The following OPLAH variants were observed in gnomAD, a reference collection of about 807,000 sequenced individuals.
OPLAH encodes 5-oxoprolinase, ATP-hydrolysing.
In OPLAH, 103 loss-of-function variants were observed where a neutral mutation model predicts 122.8. The observed-to-expected ratio is 0.84, with a 90% CI of 0.71 to 0.99. OPLAH has a LOEUF of 0.99. OPLAH is among the 50% of genes least tolerant of loss of function. The pLI, the probability that OPLAH is intolerant of heterozygous loss-of-function variation, is 0.00. For missense variants in OPLAH, 1,902 were observed against 1,836.5 expected (o/e 1.04, Z -0.65); for synonymous variants, 875 against 796.0 (o/e 1.10, Z -1.67).
rs1163894792 is a variant in OPLAH at position 144,058,581 on chromosome 8, T to C, written c.698A>G (p.His233Arg). 6.2e-7 allele frequency: 1 copy of C among 1,602,330 alleles called. No individual in the cohort carries two copies. Among genetic ancestry groups the C allele is most frequent in the East Asian group, 2.2e-5 (1 of 44,862 alleles). The change falls in exon 6 of 27, where the codon CAC (histidine) becomes CGC (arginine). Residue 233 changes from histidine to arginine, a missense_variant. By Grantham distance (29) the His-to-Arg change is conservative. Transcript: ENST00000618853. Reference sequence around the variant, plus strand: ...GAGGTAGGCGTCGGCACAGGCCGTGTGCCCCCGAGGGACGATGCGCACCAT... The same window carrying C: ...GAGGTAGGCGTCGGCACAGGCCGTGCGCCCCCGAGGGACGATGCGCACCAT... ...MPMVRIVPRGHTACADAYLTP... is the reference protein window; with the variant it reads ...MPMVRIVPRGRTACADAYLTP...
At chr8:144,058,464 G>C in intron 6 of OPLAH, 32 bp downstream of exon 6, 1 of 1,578,520 alleles carries the variant, frequency 6.3e-7, no homozygotes. Flanking sequence ...CCAGGCCCAG[G>C]AGTGGGCAGT....
chr8:144,060,121 G>C (rs1564295240), intron 1 of OPLAH, 36 bp from the exon 2 acceptor site: 2 of 1,421,664 alleles, frequency 1.4e-6, no homozygotes, highest in Non-Finnish European at 9.5e-7. Context: ...GCTCACCTGC[G>C]AGTGGGACTA....
chr8:144,053,403 C>T lies in OPLAH; in HGVS notation c.2687-10G>A, dbSNP rs1554758232. ...AGGGCCTCCGTCACCGCTGGATGGA[C>T]AGTGTCATCACTGAGCCCCTGGCCA... On this transcript the variant is annotated splice_polypyrimidine_tract_variant and intron_variant, in intron 19 of 26. Coordinates refer to ENST00000618853, the MANE Select transcript of OPLAH (RefSeq NM_017570.5). 2.5e-6 allele frequency: 4 copies of T among 1,600,712 alleles called. No individual in the cohort carries two copies. Among genetic ancestry groups the T allele is most frequent in the East Asian group, 2.2e-5 (1 of 44,812 alleles).
downstream of OPLAH, chr8:144,050,648 G>A (rs1835351279): frequency 4.1e-6 from 4 of 984,950 alleles, no homozygotes; most frequent in South Asian, 1.4e-4. Context: ...TTGGGGGGAG[G>A]GTACCCCCGC....
In OPLAH at chr8:144,051,983, G is replaced by C. The variant is rs1038731940; in HGVS notation, c.3555C>G (p.Leu1185=). The C allele has an allele frequency of 1.3e-6, 2 of 1,582,194 alleles. No homozygotes were observed. Among genetic ancestry groups the C allele is most frequent in the African/African-American group, 1.3e-5 (1 of 74,182 alleles). ...CTGACAGCAGCGCCTCCTCACGAAA[G>C]AGCAGCTCGCGGGTGACGCCGTCGC... ...RGGDGVTREL[L]FREEALLSVL... Residue 1185 remains leucine, a synonymous_variant, in exon 25 of 27, where the codon CTC becomes CTG. Coordinates refer to ENST00000618853, the MANE Select transcript of OPLAH (RefSeq NM_017570.5).
Position 144,054,738 on chromosome 8 carries a change from A to AGC in OPLAH, c.2512-5_2512-4dup, listed in dbSNP as rs1554758530. On this transcript the variant is annotated splice_region_variant and splice_polypyrimidine_tract_variant and intron_variant, in intron 18 of 26. Coordinates refer to ENST00000618853, the MANE Select transcript of OPLAH (RefSeq NM_017570.5). ...CGCGTCTGACCCGGCCAAAACACCT[A>AGC]GCGGGTGGAGAGCCACGGTCAGCTG... 3.7e-6 allele frequency: 6 copies of AGC among 1,612,036 alleles called. No individual in the cohort carries two copies. The highest frequency in any genetic ancestry group is 5.1e-6 in the Non-Finnish European group (6 of 1,179,784).
At position 144,059,510 on chromosome 8, in the gene OPLAH, T is replaced by TAATCC. The variant is rs1587567843; in HGVS notation, c.363+84_363+88dup. 2.9e-6 allele frequency: 4 copies of TAATCC among 1,362,926 alleles called. No homozygotes were observed. In the East Asian group the frequency reaches 9.4e-5, roughly 32 times the overall value. 84.4% of individuals were successfully genotyped at this position (1,362,926 alleles called of 1,614,324 possible). ...TCGGCTGGTGCCCATGAGCCATCAC[T>TAATCC]AATCCAACAACTGCTCTCCCCACAG... is the stretch of plus-strand genomic sequence containing the variant. On this transcript the variant is annotated intron_variant, in intron 3 of 26. Coordinates refer to ENST00000618853, the MANE Select transcript of OPLAH (RefSeq NM_017570.5).
chr8:144,053,269 C>CA lies in OPLAH; in HGVS notation c.2810dup (p.Glu939GlyfsTer23). 6.2e-7 allele frequency: 1 copy of CA among 1,613,070 alleles called. No individual in the cohort carries two copies. The highest frequency in any genetic ancestry group is 1.1e-5 in the South Asian group (1 of 91,078). On this transcript the variant is annotated frameshift_variant, in exon 20 of 27. Coordinates refer to ENST00000618853, the MANE Select transcript of OPLAH (RefSeq NM_017570.5). LOFTEE classifies it high-confidence loss of function. ...GGCCGTACTGCCCAATGAGCTCCCC[C>CA]ACCAGCTGGATGCCCTTCTGGTTGG...
At chr8:144,060,347 G>C (rs1282169955) in intron 1 of OPLAH, among the ~76,000 whole-genome samples, 2 of 152,238 alleles carry the variant, frequency 1.3e-5, no homozygotes, top group Admixed American at 6.5e-5. Context: ...GCAGGCACGG[G>C]AGGTGGGGAC....
At chr8:144,057,807 C>G (rs781950352) in intron 9 of OPLAH, 49 bp downstream of exon 9, 1 of 1,602,330 alleles carries the variant, frequency 6.2e-7, no homozygotes, top group Non-Finnish European at 8.5e-7. Flanking sequence ...GCTGGGCCTG[C>G]GGCGGCAAGC....
In OPLAH at chr8:144,052,473, G is replaced by A; in HGVS notation, c.3279C>T (p.Ala1093=). The A allele has an allele frequency of 3.2e-6, 5 of 1,550,524 alleles. No individual in the cohort carries two copies. Among genetic ancestry groups the A allele is most frequent in the South Asian group, 1.2e-5 (1 of 85,070 alleles). The change falls in exon 23 of 27, where the codon GCC becomes GCT. Residue 1093 remains alanine, a synonymous_variant. Transcript: ENST00000618853. ...CCTGGGAGGCGGCGCAGGCCCCAAAGGCCCCCAGGATGACATCCACCACGC... is the reference window on the plus strand; with the variant it reads ...CCTGGGAGGCGGCGCAGGCCCCAAAAGCCCCCAGGATGACATCCACCACGC... ...SQRVVDVILG[A]FGACAASQGC... is the part of the protein sequence containing the mutation.
chr8:144,058,088 G>A lies in OPLAH; in HGVS notation c.1010C>T (p.Thr337Ile). 6.2e-7 allele frequency: 1 copy of A among 1,612,526 alleles called. No individual in the cohort carries two copies. Among genetic ancestry groups the A allele is most frequent in the Non-Finnish European group, 8.5e-7 (1 of 1,179,810 alleles). ...CGGGGCCTGGAGGGTGACGCCAGCT[G>A]TGCTGGCCTCGAAGACGTGCTCGAA... The part of the protein sequence containing the change: ...GEFEHVFEAS[T>I]AGVTLQAPQL... The change falls in exon 8 of 27, where the codon ACA becomes ATA. Residue 337 changes from threonine to isoleucine, a missense_variant. This residue lies in a region of OPLAH where 1,726 missense variants were observed against 1,642.1 expected (regional missense o/e 1.05). Transcript: ENST00000618853.
At chr8:144,056,838 C>T (rs774963862) in intron 12 of OPLAH, 83 bp from the exon 13 acceptor site, 216 of 1,516,340 alleles carry the variant, frequency 1.4e-4, no homozygotes, top group Non-Finnish European at 1.8e-4. Flanking sequence ...GACACCTGTT[C>T]TGCTTCTCGC....
At chr8:144,060,380 G>A (rs556833219) in intron 1 of OPLAH, among the ~76,000 whole-genome samples, 437 of 152,334 alleles carry the variant, frequency 2.9e-3, no homozygotes, top group Middle Eastern at 6.8e-3. Flanking sequence ...TGGAGCCCTC[G>A]GGCGGGGTCC....
Position 144,060,059 on chromosome 8 carries a change from G to C in OPLAH, c.-27C>G, listed in dbSNP as rs782075458. ...GTGGTGGGGCTGGAGTCCCACAGGAGCTCTTCAGCTGGTAGCCCTGGAAAA... is the reference window on the plus strand; with the variant it reads ...GTGGTGGGGCTGGAGTCCCACAGGACCTCTTCAGCTGGTAGCCCTGGAAAA... On this transcript the variant is annotated 5_prime_UTR_variant, in exon 2 of 27. Transcript: ENST00000618853. The C allele has an allele frequency of 3.1e-5, 50 of 1,601,832 alleles. No homozygotes were observed. The highest frequency in any genetic ancestry group is 3.7e-5 in the Non-Finnish European group (43 of 1,174,288).
Position 144,059,594 on chromosome 8 carries a change from C to A in OPLAH, c.363+5G>T. On this transcript the variant is annotated splice_donor_5th_base_variant and intron_variant, in intron 3 of 26. Coordinates refer to ENST00000618853, the MANE Select transcript of OPLAH (RefSeq NM_017570.5). ...AGCCTGGTCCCCAGCCAACATGGAG[C>A]TCACCAGGTCAAAGAGGTCCCCACG... 1 of 1,599,524 alleles carries A rather than the reference C, an allele frequency of 6.3e-7. No homozygotes were observed. The highest frequency in any genetic ancestry group is 8.5e-7 in the Non-Finnish European group (1 of 1,170,842).
At chr8:144,060,428 T>G (rs1564295435) in intron 1 of OPLAH, among the ~76,000 whole-genome samples, 1 of 150,820 alleles carries the variant, frequency 6.6e-6, no homozygotes, top group Non-Finnish European at 1.5e-5. Flanking sequence ...GGGGAGGGGG[T>G]TTGGGGCGAG....
At chr8:144,053,652 G>C (rs1554758274) in intron 19 of OPLAH, among the ~76,000 whole-genome samples, 2 of 151,904 alleles carry the variant, frequency 1.3e-5, no homozygotes, top group Non-Finnish European at 2.9e-5. Context: ...TTGACCAAGG[G>C]AGCAGCCAGC....
In OPLAH at chr8:144,052,309, C is replaced by A; in HGVS notation, c.3321G>T (p.Val1107=). The A allele has an allele frequency of 6.5e-7, 1 of 1,527,944 alleles. No individual in the cohort carries two copies. Among genetic ancestry groups the A allele is most frequent in the Non-Finnish European group, 8.8e-7 (1 of 1,142,020 alleles). The allele number at this position is 1,527,944 out of a possible 1,614,324, so 94.6% of individuals were successfully genotyped here. A position where few individuals can be genotyped will look rare whatever the true frequency, so the allele number is the denominator to read the frequency against. The stretch of plus-strand genomic sequence containing the variant: ...AGCCCATGTGGGCGTTGCCCAGGGT[C>A]ACGTTGTTCATGCAGCCCTGGTGAG... ...CAASQGCMNN[V]TLGNAHMGYY... Residue 1107 remains valine (V), a synonymous_variant, in exon 24 of 27, where the codon GTG becomes GTT. Transcript: ENST00000618853.
Sources: allele counts gnomAD v4.1 joint callset (sites outside exome capture counted in the v4.1 genomes callset), GRCh38; gene constraint gnomAD v4.1.1; regional missense constraint gnomAD v4.1.1; transcripts MANE v1.5; gene names NCBI Gene and HGNC (gene_info 2026-07-23, HGNC 2026-07-21).